The following NXPE2 variants were observed in gnomAD, a reference collection of about 807,000 sequenced individuals.
NXPE2 encodes NXPE family member 2.
NXPE2 carries 34 observed loss-of-function variants against 34.4 expected under a neutral mutation model. That is an observed-to-expected ratio of 0.99 (90% CI 0.75 to 1.31). NXPE2 has a LOEUF of 1.31. Ranked by LOEUF, NXPE2 falls within the 40% of genes most tolerant of loss-of-function variation. The probability of loss-of-function intolerance (pLI) is 0.00; values close to 1 mark genes in which losing one functional copy is unlikely to be tolerated. For synonymous variants in NXPE2, 235 were observed against 231.3 expected (o/e 1.02, Z -0.15); for missense variants, 649 against 672.5 (o/e 0.97, Z 0.39).
chr11:114,616,772 C>T, the NXPE2 span, among the ~76,000 whole-genome samples: 1 of 151,650 alleles, frequency 6.6e-6, no homozygotes, highest in African/African-American at 2.4e-5. Context: ...ATAAGTGTTG[C>T]CTCTTGGCTT....
the NXPE2 span, among the ~76,000 whole-genome samples, chr11:114,724,352 A>C: frequency 1.3e-5 from 2 of 152,164 alleles, no homozygotes; most frequent in Non-Finnish European, 2.9e-5. Context: ...CGTACTCCGC[A>C]AGAATGAATA....
At chr11:114,703,730 T>C (rs61906867) in intron 3 of NXPE2, among the ~76,000 whole-genome samples, 6,402 of 95,454 alleles carry the variant, frequency 0.067, 406 homozygotes, top group African/African-American at 0.17. Flanking sequence ...GACAGACAGA[T>C]AGATAGATAG....
chr11:114,765,688 A>C, the NXPE2 span, among the ~76,000 whole-genome samples: 1 of 152,100 alleles, frequency 6.6e-6, no homozygotes, highest in African/African-American at 2.4e-5. Flanking sequence ...CTTGATATTC[A>C]TTCCTACTTT....
chr11:114,633,462 T>A, the NXPE2 span, among the ~76,000 whole-genome samples: 1 of 148,244 alleles, frequency 6.7e-6, no homozygotes, highest in African/African-American at 2.5e-5. Flanking sequence ...TTTTCTTTTT[T>A]TTATTTTAGT....
the NXPE2 span, among the ~76,000 whole-genome samples, chr11:114,629,369 C>T: frequency 4.0e-4 from 61 of 152,048 alleles, no homozygotes; most frequent in Middle Eastern, 3.4e-3. Flanking sequence ...GTTCAATATA[C>T]ACAAATCAAT....
chr11:114,802,379 T>G, the NXPE2 span, among the ~76,000 whole-genome samples: 3 of 152,206 alleles, frequency 2.0e-5, no homozygotes, highest in African/African-American at 7.2e-5. Flanking sequence ...GAATTTCATC[T>G]TAGAAAAAGT....
chr11:114,639,725 A>AAT, the NXPE2 span, among the ~76,000 whole-genome samples: 1 of 125,750 alleles, frequency 8.0e-6, no homozygotes, highest in African/African-American at 3.0e-5. Context: ...ATAATATAGT[A>AAT]ATATAATATA....
chr11:114,623,923 G>T, the NXPE2 span, among the ~76,000 whole-genome samples: 2 of 152,020 alleles, frequency 1.3e-5, no homozygotes, highest in Non-Finnish European at 2.9e-5. Flanking sequence ...CTACCCAGTG[G>T]ATAATAAGAA....
chr11:114,632,725 T>C, the NXPE2 span, among the ~76,000 whole-genome samples: 3 of 59,674 alleles, frequency 5.0e-5, no homozygotes, highest in East Asian at 6.0e-4. Context: ...ATATATATAA[T>C]ATATAATATA....
chr11:114,639,271 C>A, the NXPE2 span, among the ~76,000 whole-genome samples: 2 of 152,110 alleles, frequency 1.3e-5, no homozygotes, highest in African/African-American at 4.8e-5. Context: ...CCCTCCGAGC[C>A]AGGTGCAGGA....
At chr11:114,482,304 G>A in the NXPE2 span, among the ~76,000 whole-genome samples, 1 of 152,172 alleles carries the variant, frequency 6.6e-6, no homozygotes, top group Non-Finnish European at 1.5e-5. Context: ...AAGGCAGTTG[G>A]CTGACCTGGG....
the NXPE2 span, among the ~76,000 whole-genome samples, chr11:114,789,922 C>A: frequency 2.6e-5 from 4 of 152,352 alleles, no homozygotes; most frequent in African/African-American, 9.6e-5. Context: ...AGCCACCTGG[C>A]AGGCATGCTG....
intron 4 of NXPE2, 106 bp downstream of exon 4, chr11:114,704,158 C>A (rs189887259): frequency 4.9e-6 from 4 of 818,396 alleles, no homozygotes; most frequent in Non-Finnish European, 7.8e-6. Flanking sequence ...CTCTCATTTC[C>A]TGGGACAAAT....
the NXPE2 span, among the ~76,000 whole-genome samples, chr11:114,601,712 T>G: frequency 1.4e-5 from 1 of 70,752 alleles, no homozygotes; most frequent in African/African-American, 5.7e-5. Context: ...CTTTATATAT[T>G]ATATATTATA....
the NXPE2 span, among the ~76,000 whole-genome samples, chr11:114,623,246 C>T: frequency 6.6e-6 from 1 of 151,998 alleles, no homozygotes; most frequent in Non-Finnish European, 1.5e-5. Flanking sequence ...ACCACTGTTT[C>T]CCGGTGGGTA....
chr11:114,712,669 G>A, the NXPE2 span, among the ~76,000 whole-genome samples: 1 of 152,166 alleles, frequency 6.6e-6, no homozygotes, highest in Non-Finnish European at 1.5e-5. Context: ...CTGTGAGTGG[G>A]AATGTAAAAT....
At chr11:114,480,726 G>A in the NXPE2 span, among the ~76,000 whole-genome samples, 11 of 152,164 alleles carry the variant, frequency 7.2e-5, no homozygotes. Context: ...TCACTGTATT[G>A]TTGTGGGAGA....
the NXPE2 span, among the ~76,000 whole-genome samples, chr11:114,630,425 G>C: frequency 1.1e-3 from 161 of 151,878 alleles, 1 homozygote; most frequent in African/African-American, 3.8e-3. Flanking sequence ...AATGGGGAAA[G>C]TATTCCCTAT....
chr11:114,476,312 T>C, the NXPE2 span, among the ~76,000 whole-genome samples: 1 of 152,210 alleles, frequency 6.6e-6, no homozygotes, highest in African/African-American at 2.4e-5. Flanking sequence ...ACAAATTAAT[T>C]ATACATAAAC....
Sources: gnomAD v4.1 joint callset for allele counts (sites outside exome capture counted in the v4.1 genomes callset) on GRCh38, gnomAD v4.1.1 for gene constraint, MANE v1.5 for transcripts, NCBI Gene and HGNC (gene_info 2026-07-23, HGNC 2026-07-21) for gene names.